Variants in PDE3A observed in about 807,000 individuals in gnomAD.
PDE3A encodes phosphodiesterase 3A.
Under a neutral mutation model 98.3 loss-of-function variants are expected in PDE3A, and 43 were observed. That is an observed-to-expected ratio of 0.44 (90% CI 0.34 to 0.56). The LOEUF (loss-of-function observed/expected upper bound fraction) is 0.56, where lower values mean the gene tolerates loss of function less well. PDE3A is among the 20% of genes least tolerant of loss of function. The probability of loss-of-function intolerance (pLI) is 0.01; values close to 1 mark genes in which losing one functional copy is unlikely to be tolerated. For synonymous variants in PDE3A, 663 were observed against 567.9 expected (o/e 1.17, Z -2.38); for missense variants, 1,427 against 1,440.7 (o/e 0.99, Z 0.15).
In PDE3A at chr12:20,685,556, T is replaced by C. The variant is rs1945938248; in HGVS notation, c.*5285T>C. ...CCTAGTATCAGTGTAGGTAAGACCATAAAATACAGTGTATAGAATTATATA... is the reference window on the plus strand; with the variant it reads ...CCTAGTATCAGTGTAGGTAAGACCACAAAATACAGTGTATAGAATTATATA... On this transcript the variant is annotated 3_prime_UTR_variant, in exon 16 of 16. Transcript: ENST00000359062. Among the ~76,000 whole-genome samples, 2 of 151,930 alleles carry C rather than the reference T, an allele frequency of 1.3e-5. No individual in the cohort carries two copies. The highest frequency in any genetic ancestry group is 4.8e-5 in the African/African-American group (2 of 41,368).
At chr12:20,528,871 A>G (rs1372357323) in intron 1 of PDE3A, among the ~76,000 whole-genome samples, 2 of 152,220 alleles carry the variant, frequency 1.3e-5, no homozygotes, top group Non-Finnish European at 2.9e-5. Flanking sequence ...TTTACAGAGA[A>G]TAGACTCTAG....
chr12:20,485,216 C>T (rs909888342), intron 1 of PDE3A, among the ~76,000 whole-genome samples: 23 of 152,106 alleles, frequency 1.5e-4, no homozygotes, highest in African/African-American at 5.1e-4. Flanking sequence ...TATTCTGTGC[C>T]TCTCTCCTAG....
In PDE3A at chr12:20,613,638, G is replaced by A. The variant is rs1475795289; in HGVS notation, c.1207G>A (p.Glu403Lys). The A allele has an allele frequency of 7.1e-5, 115 of 1,613,688 alleles. No individual in the cohort carries two copies. Among genetic ancestry groups the A allele is most frequent in the Non-Finnish European group, 9.4e-5 (111 of 1,179,698 alleles). ...PRVNPVTSLSENYTCSDSEES... is the reference protein window; with the variant it reads ...PRVNPVTSLSKNYTCSDSEES... ...AGTGAATCCCGTCACTTCGCTCAGT[G>A]AAAACTATACCTGTTCTGACTCTGA... The change falls in exon 3 of 16, where the codon GAA becomes AAA. Residue 403 changes from glutamate to lysine, a missense_variant. Physicochemically the swap from Glu to Lys is moderately conservative, Grantham distance 56 (BLOSUM62 1). Coordinates refer to ENST00000359062, the MANE Select transcript of PDE3A (RefSeq NM_000921.5).
At chr12:20,588,808 C>A (rs913851397) in intron 2 of PDE3A, among the ~76,000 whole-genome samples, 3 of 152,154 alleles carry the variant, frequency 2.0e-5, no homozygotes, top group Non-Finnish European at 2.9e-5. Flanking sequence ...ATTCTCAGGC[C>A]AGGCTGACCT....
At chr12:20,540,435 T>A (rs960026997) in intron 1 of PDE3A, among the ~76,000 whole-genome samples, 1 of 152,116 alleles carries the variant, frequency 6.6e-6, no homozygotes, top group Admixed American at 6.5e-5. Context: ...TATAATTTAT[T>A]GATTCTGAAA....
At chr12:20,508,583 T>G (rs1293484191) in intron 1 of PDE3A, among the ~76,000 whole-genome samples, 1 of 152,008 alleles carries the variant, frequency 6.6e-6, no homozygotes, top group Non-Finnish European at 1.5e-5. Flanking sequence ...ATTGCTTATT[T>G]AAAAGGAATC....
chr12:20,630,192 C>A, intron 6 of PDE3A, 65 bp downstream of exon 6: 1 of 1,164,414 alleles, frequency 8.6e-7, no homozygotes, highest in Non-Finnish European at 1.3e-6. Flanking sequence ...CTAGAAATAC[C>A]TACCACCAGC....
At chr12:20,399,040 T>C (rs1003081482) in intron 1 of PDE3A, among the ~76,000 whole-genome samples, 2 of 152,186 alleles carry the variant, frequency 1.3e-5, no homozygotes, top group African/African-American at 4.8e-5. Context: ...AATTTAACTA[T>C]TCTTGATATC....
intron 2 of PDE3A, among the ~76,000 whole-genome samples, chr12:20,566,568 A>G (rs1942662393): frequency 6.6e-6 from 1 of 151,778 alleles, no homozygotes; most frequent in Admixed American, 6.6e-5. Context: ...TGTGGGTGAG[A>G]CAAACAGATG....
intron 2 of PDE3A, among the ~76,000 whole-genome samples, chr12:20,578,785 A>G (rs1325867019): frequency 6.6e-6 from 1 of 152,022 alleles, no homozygotes; most frequent in Non-Finnish European, 1.5e-5. Flanking sequence ...ATCTTCTATG[A>G]TCACCTATAA....
intron 2 of PDE3A, among the ~76,000 whole-genome samples, chr12:20,597,491 T>C (rs1444773679): frequency 1.3e-5 from 2 of 152,212 alleles, no homozygotes; most frequent in Non-Finnish European, 2.9e-5. Flanking sequence ...ATAGGCTTTT[T>C]TGTTGGTTTT....
At chr12:20,440,914 T>C (rs1459341945) in intron 1 of PDE3A, among the ~76,000 whole-genome samples, 1 of 11,786 alleles carries the variant, frequency 8.5e-5, no homozygotes, top group Non-Finnish European at 1.5e-4. Context: ...TGATTATTTA[T>C]GAGTAAAAGG....
intron 2 of PDE3A, among the ~76,000 whole-genome samples, chr12:20,606,943 G>GTATT (rs1046613626): frequency 2.7e-5 from 4 of 150,822 alleles, no homozygotes; most frequent in African/African-American, 9.7e-5. Flanking sequence ...TATACTTGTT[G>GTATT]TATTTTAAAC....
At chr12:20,519,203 T>C (rs558933860) in intron 1 of PDE3A, among the ~76,000 whole-genome samples, 2 of 152,268 alleles carry the variant, frequency 1.3e-5, no homozygotes, top group Non-Finnish European at 2.9e-5. Flanking sequence ...ATTTTGAAAG[T>C]CCCTCTCTTA....
intron 1 of PDE3A, among the ~76,000 whole-genome samples, chr12:20,430,107 A>G (rs1239893799): frequency 6.6e-6 from 1 of 152,176 alleles, no homozygotes. Flanking sequence ...TTCTGAAATG[A>G]ACCTATTTGT....
At chr12:20,407,671 T>A (rs950887037) in intron 1 of PDE3A, among the ~76,000 whole-genome samples, 3 of 152,210 alleles carry the variant, frequency 2.0e-5, no homozygotes, top group Admixed American at 1.3e-4. Context: ...ATTTTGTGGC[T>A]TATTAAATTT....
intron 12 of PDE3A, among the ~76,000 whole-genome samples, chr12:20,647,771 T>C (rs1760035101): frequency 6.6e-6 from 1 of 152,116 alleles, no homozygotes; most frequent in Non-Finnish European, 1.5e-5. Context: ...TATCTGATAA[T>C]TTTTTCTTGA....
At chr12:20,607,377 C>T (rs1174575473) in intron 2 of PDE3A, among the ~76,000 whole-genome samples, 1 of 145,594 alleles carries the variant, frequency 6.9e-6, no homozygotes, top group African/African-American at 2.6e-5. Flanking sequence ...GCTGAGGTTG[C>T]AGTGAGCTGA....
chr12:20,540,381 A>G (rs996686245), intron 1 of PDE3A, among the ~76,000 whole-genome samples: 1 of 152,118 alleles, frequency 6.6e-6, no homozygotes, highest in Non-Finnish European at 1.5e-5. Flanking sequence ...CAAGCGGAGA[A>G]TTCCAGTTTA....
Sources: gnomAD v4.1 joint callset for allele counts (sites outside exome capture counted in the v4.1 genomes callset) on GRCh38, gnomAD v4.1.1 for gene constraint, MANE v1.5 for transcripts, NCBI Gene and HGNC (gene_info 2026-07-23, HGNC 2026-07-21) for gene names.